The following SRGAP1 variants were observed in gnomAD, a reference collection of about 807,000 sequenced individuals.
SRGAP1 encodes SLIT-ROBO Rho GTPase activating protein 1, also known as SLIT-ROBO Rho GTPase-activating protein 1.
SRGAP1 carries 43 observed loss-of-function variants against 121.9 expected under a neutral mutation model. That is an observed-to-expected ratio of 0.35 (90% confidence interval 0.28 to 0.46). The LOEUF is 0.46. Ranked by LOEUF, SRGAP1 falls within the 20% of genes least tolerant of loss-of-function variation. The probability of loss-of-function intolerance (pLI) is 1.00; values close to 1 mark genes in which losing one functional copy is unlikely to be tolerated. For synonymous variants in SRGAP1, 447 were observed against 485.4 expected, an observed-to-expected ratio of 0.92 and a Z score of 1.04; for missense variants, 1,102 against 1,350.9, an observed-to-expected ratio of 0.82 and a Z score of 2.89.
intron 1 of SRGAP1, among the ~76,000 whole-genome samples, chr12:63,861,965 A>G (rs564198626): frequency 4.5e-4 from 68 of 152,188 alleles, no homozygotes; most frequent in African/African-American, 1.6e-3. Flanking sequence ...TGCTAATAAC[A>G]CAAAAATTAG....
At chr12:63,896,284 G>A (rs1900752658) in intron 1 of SRGAP1, among the ~76,000 whole-genome samples, 1 of 152,160 alleles carries the variant, frequency 6.6e-6, no homozygotes, top group Non-Finnish European at 1.5e-5. Flanking sequence ...TAATAATTTA[G>A]TGAATTACCT....
intron 4 of SRGAP1, among the ~76,000 whole-genome samples, chr12:64,039,830 T>C (rs2034979124): frequency 6.6e-6 from 1 of 152,126 alleles, no homozygotes; most frequent in South Asian, 2.1e-4. Context: ...CCCTTTTCAT[T>C]TCCCAGCTGC....
intron 1 of SRGAP1, among the ~76,000 whole-genome samples, chr12:63,931,312 A>G (rs528418395): frequency 1.3e-5 from 2 of 152,286 alleles, no homozygotes; most frequent in East Asian, 1.9e-4. Flanking sequence ...ATATCTCTAA[A>G]TGGATTAAAA....
intron 3 of SRGAP1, among the ~76,000 whole-genome samples, chr12:64,011,339 A>G (rs1452551369): frequency 6.6e-6 from 1 of 152,182 alleles, no homozygotes; most frequent in Non-Finnish European, 1.5e-5. Context: ...AACTTCTTCA[A>G]GGAAAAGCAG....
intron 1 of SRGAP1, among the ~76,000 whole-genome samples, chr12:63,956,703 A>G (rs2032482170): frequency 1.5e-5 from 2 of 137,528 alleles, no homozygotes; most frequent in Non-Finnish European, 3.1e-5. Context: ...TTGCTTGTTG[A>G]TGATCAGTAA....
chr12:63,875,540 C>CT (rs1322390894), intron 1 of SRGAP1, among the ~76,000 whole-genome samples: 2 of 152,044 alleles, frequency 1.3e-5, no homozygotes, highest in Admixed American at 6.6e-5. Flanking sequence ...ACTGAGATTT[C>CT]TTTAAAAATT....
chr12:63,980,464 G>C (rs1367902704), intron 1 of SRGAP1, among the ~76,000 whole-genome samples: 1 of 152,134 alleles, frequency 6.6e-6, no homozygotes, highest in Non-Finnish European at 1.5e-5. Flanking sequence ...ATTAAGGTGA[G>C]CACAAATCTA....
At chr12:64,008,102 A>G (rs1477858758) in intron 3 of SRGAP1, among the ~76,000 whole-genome samples, 3 of 152,216 alleles carry the variant, frequency 2.0e-5, no homozygotes, top group African/African-American at 7.2e-5. Flanking sequence ...TGGGCATGTC[A>G]TTTAATCCTT....
chr12:63,992,660 TACACACACACACACACACACACACACAC>T (rs59798383), intron 3 of SRGAP1, among the ~76,000 whole-genome samples: 54 of 138,568 alleles, frequency 3.9e-4, no homozygotes, highest in Middle Eastern at 3.6e-3. Context: ...GCACAGTAAA[TACACACACACACACACACACACACACAC>T]ACACACACAC....
rs1356994994 is a variant in SRGAP1 at position 64,148,873 on chromosome 12, C to T, written c.*6201C>T. 6.6e-6 allele frequency: 1 copy of T among 152,140 alleles called. No homozygotes were observed. The highest frequency in any genetic ancestry group is 1.9e-4 in the East Asian group (1 of 5,192). 9.4% of individuals were successfully genotyped at this position (152,140 alleles called of 1,614,324 possible). A position where few individuals can be genotyped will look rare whatever the true frequency, so the allele number is the denominator to read the frequency against. ...CATCCCAGAAGCTACTGTGCTCATGCCTCTGTGAATGTATCAGTATCCTGA... is the reference window on the plus strand; with the variant it reads ...CATCCCAGAAGCTACTGTGCTCATGTCTCTGTGAATGTATCAGTATCCTGA... On this transcript the variant is annotated 3_prime_UTR_variant, in exon 22 of 22. Transcript: ENST00000355086.
chr12:64,040,080 TA>T (rs1296577283), intron 4 of SRGAP1, among the ~76,000 whole-genome samples: 1 of 152,162 alleles, frequency 6.6e-6, no homozygotes, highest in Admixed American at 6.6e-5. Flanking sequence ...TGAAAATAAG[TA>T]AAGGTTCTTC....
chr12:63,949,981 G>A (rs772493876), intron 1 of SRGAP1, among the ~76,000 whole-genome samples: 2 of 152,174 alleles, frequency 1.3e-5, no homozygotes, highest in Non-Finnish European at 2.9e-5. Flanking sequence ...ACTTGAAAAT[G>A]TATCTCTAAA....
chr12:64,136,974 TA>T (rs2036865560), intron 21 of SRGAP1, among the ~76,000 whole-genome samples: 1 of 152,066 alleles, frequency 6.6e-6, no homozygotes, highest in African/African-American at 2.4e-5. Context: ...TTGTAAATTA[TA>T]AAAACAGGCC....
chr12:63,910,136 G>A (rs1170732720), intron 1 of SRGAP1, among the ~76,000 whole-genome samples: 4 of 152,044 alleles, frequency 2.6e-5, no homozygotes, highest in Non-Finnish European at 5.9e-5. Flanking sequence ...TTTACTCCAG[G>A]GGATCAAATG....
At chr12:64,109,176 A>G (rs2036392627) in intron 16 of SRGAP1, 139 bp downstream of exon 16, 3 of 478,946 alleles carry the variant, frequency 6.3e-6, no homozygotes, top group Non-Finnish European at 1.0e-5. Context: ...AAATGTACTG[A>G]AGGTACATTT....
rs1242673772 is a variant in SRGAP1, at chr12:64,158,529, T to A, written c.*15857T>A. The A allele has an allele frequency of 6.6e-6, 1 of 152,170 alleles. No individual in the cohort carries two copies. Among genetic ancestry groups the A allele is most frequent in the Non-Finnish European group, 1.5e-5 (1 of 68,040 alleles). 9.4% of individuals were successfully genotyped at this position (152,170 alleles called of 1,614,324 possible). ...TGCTTTGATAAAAATGTAACTTCAT[T>A]TAAGTCTAGTAAATAATTAGGATTA... is the stretch of plus-strand genomic sequence containing the variant. On this transcript the variant is annotated 3_prime_UTR_variant, in exon 22 of 22. Coordinates refer to ENST00000355086, the MANE Select transcript of SRGAP1 (RefSeq NM_020762.4).
intron 3 of SRGAP1, among the ~76,000 whole-genome samples, chr12:64,000,550 C>CTGCA (rs1436890734): frequency 2.0e-5 from 3 of 152,232 alleles, no homozygotes; most frequent in Admixed American, 2.0e-4. Context: ...GCATTTAAGG[C>CTGCA]TACAGTAAGC....
intron 21 of SRGAP1, among the ~76,000 whole-genome samples, chr12:64,140,277 A>G (rs1360866570): frequency 2.7e-5 from 4 of 147,804 alleles, no homozygotes; most frequent in African/African-American, 1.0e-4. Context: ...AATTCTGTGA[A>G]GAAAGTCATT....
chr12:64,068,780 C>T (rs1476923626), intron 8 of SRGAP1, among the ~76,000 whole-genome samples: 2 of 151,624 alleles, frequency 1.3e-5, no homozygotes, highest in African/African-American at 4.8e-5. Flanking sequence ...GAGGCCAAGG[C>T]GGGCAGATCT....
Sources: allele counts gnomAD v4.1 joint callset (sites outside exome capture counted in the v4.1 genomes callset), GRCh38; gene constraint gnomAD v4.1.1; transcripts MANE v1.5; gene names NCBI Gene and HGNC (gene_info 2026-07-23, HGNC 2026-07-21).